Variants in KAT2A observed in about 807,000 individuals in gnomAD.
KAT2A encodes the protein histone acetyltransferase KAT2A.
Under a neutral mutation model 95.2 loss-of-function variants are expected in KAT2A, and 42 were observed. The ratio of observed to expected loss-of-function variants is 0.44; its 90% CI spans 0.34 to 0.57. KAT2A has a LOEUF of 0.57. Ranked by LOEUF, KAT2A falls within the 20% of genes least tolerant of loss-of-function variation. The pLI is 0.01. For synonymous variants in KAT2A, 449 were observed against 448.2 expected (o/e 1.00, Z -0.02); for missense variants, 784 against 1,126.3 (o/e 0.70, Z 4.35).
In KAT2A at chr17:42,114,340, G is replaced by A. The variant is rs782552779; in HGVS notation, c.2171+18C>T. 1.8e-5 allele frequency: 29 copies of A among 1,613,618 alleles called. 1 individual carries two copies. Among genetic ancestry groups the A allele is most frequent in the Middle Eastern group, 1.6e-4 (1 of 6,082 alleles). On this transcript the variant is annotated intron_variant, in intron 15 of 17. Coordinates refer to ENST00000225916, the MANE Select transcript of KAT2A (RefSeq NM_021078.3). This position sits in a 1 kb window ranked among gnomAD's most constrained non-coding sequence, Gnocchi z 6.0. ...AGTCCCTCTGCCCCACCCCCAACCC[G>A]GCTCCTTTGACACTCACCCCTTCTC... is the stretch of plus-strand genomic sequence containing the variant.
chr17:42,118,481 G>A (rs1341270433), intron 6 of KAT2A, 78 bp from the exon 7 acceptor site: 1 of 1,005,544 alleles, frequency 9.9e-7, no homozygotes, highest in Non-Finnish European at 1.6e-6. Context: ...GGGACTGGAG[G>A]CTGGTCAGAG....
chr17:42,121,163 G>A lies in KAT2A; in HGVS notation c.142C>T (p.Pro48Ser), dbSNP rs1555667294. The change falls in exon 1 of 18, where the codon CCT becomes TCT. Residue 48 changes from proline to serine, a missense_variant. By Grantham distance (74) the Pro-to-Ser change is moderately conservative. This residue lies in a region of KAT2A where 142 missense variants were observed against 123.2 expected (regional missense o/e 1.15). Transcript: ENST00000225916. The stretch of plus-strand genomic sequence containing the variant: ...CCGGCTGGGGCTGCAGCTGGGGCAG[G>A]GGCTGGTGCCGGGGTGGGAGTCGGA... The part of the protein sequence containing the change: ...PIPTPTPAPA[P>S]APAAAPAGST... The A allele has an allele frequency of 1.4e-6, 2 of 1,442,494 alleles. No individual in the cohort carries two copies. Among genetic ancestry groups the A allele is most frequent in the Non-Finnish European group, 1.8e-6 (2 of 1,087,502 alleles). 89.4% of individuals were successfully genotyped at this position (1,442,494 alleles called of 1,614,324 possible). A position where few individuals can be genotyped will look rare whatever the true frequency, so the allele number is the denominator to read the frequency against.
chr17:42,119,456 G>C lies in KAT2A; in HGVS notation c.882-20C>G. ...AGCCATCTGGAGTAGGGGGTCGAGG[G>C]GGAGACAGGTGAGGGCGGAAACCAC... On this transcript the variant is annotated intron_variant, in intron 5 of 17. Transcript: ENST00000225916. The surrounding 1 kb of genome is among the most constrained non-coding windows in gnomAD (Gnocchi z 5.3). 4 of 1,598,640 alleles carry C rather than the reference G, an allele frequency of 2.5e-6. No homozygotes were observed. The highest frequency in any genetic ancestry group is 3.4e-6 in the Non-Finnish European group (4 of 1,169,264).
rs1555666824 is a variant in KAT2A at position 42,119,450 on chromosome 17, T to C, written c.882-14A>G. The C allele has an allele frequency of 6.3e-7, 1 of 1,599,100 alleles. No individual in the cohort carries two copies. Among genetic ancestry groups the C allele is most frequent in the Admixed American group, 1.7e-5 (1 of 59,018 alleles). ...TAACAGAGCCATCTGGAGTAGGGGG[T>C]CGAGGGGGAGACAGGTGAGGGCGGA... On this transcript the variant is annotated splice_polypyrimidine_tract_variant and intron_variant, in intron 5 of 17. Coordinates refer to ENST00000225916, the MANE Select transcript of KAT2A (RefSeq NM_021078.3). The surrounding 1 kb of genome is among the most constrained non-coding windows in gnomAD (Gnocchi z 5.3).
chr17:42,121,276 G>C lies in KAT2A; in HGVS notation c.29C>G (p.Pro10Arg). The change falls in exon 1 of 18, where the codon CCG (proline) becomes CGG (arginine). Residue 10 changes from proline (P) to arginine (R), a missense_variant. Physicochemically the swap from Pro to Arg is moderately radical, Grantham distance 103. Around this residue, in one of 6 missense-constraint regions of KAT2A, gnomAD observed 142 missense variants for 123.2 expected, o/e 1.15. Coordinates refer to ENST00000225916, the MANE Select transcript of KAT2A (RefSeq NM_021078.3). ...GGGCCGGGGCTGCGCAGCCGGGGCC[G>C]GGGTCGGGGCCTGGGAAGGTTCCGC... MAEPSQAPT[P>R]APAAQPRPLQ... The C allele has an allele frequency of 7.3e-7, 1 of 1,374,606 alleles. No homozygotes were observed. The highest frequency in any genetic ancestry group is 9.3e-7 in the Non-Finnish European group (1 of 1,069,676). 85.2% of individuals were successfully genotyped at this position (1,374,606 alleles called of 1,614,324 possible).
At chr17:42,116,734 T>TA (rs1186791873) in intron 11 of KAT2A, among the ~76,000 whole-genome samples, 1 of 151,984 alleles carries the variant, frequency 6.6e-6, no homozygotes, top group Non-Finnish European at 1.5e-5. Flanking sequence ...AAAAAATAAA[T>TA]AAAAAATAAA....
At chr17:42,120,676 C>T in intron 2 of KAT2A, 30 bp downstream of exon 2, 1 of 1,613,514 alleles carries the variant, frequency 6.2e-7, no homozygotes, top group Non-Finnish European at 8.5e-7. Context: ...CAGCACCTGC[C>T]CCCAGCTCCA....
intron 2 of KAT2A, among the ~76,000 whole-genome samples, 168 bp from the exon 3 acceptor site, chr17:42,120,538 G>A (rs1379422415): frequency 6.6e-6 from 1 of 152,126 alleles, no homozygotes; most frequent in African/African-American, 2.4e-5. Flanking sequence ...GGCCTGTTCT[G>A]GGCTGAGAGA....
At chr17:42,113,972 G>A in intron 17 of KAT2A, 28 bp downstream of exon 17, 1 of 1,498,062 alleles carries the variant, frequency 6.7e-7, no homozygotes, top group South Asian at 1.3e-5. Flanking sequence ...AGAAGAGGAG[G>A]GAAGGGGATG....
At chr17:42,116,986 C>T in intron 11 of KAT2A, 49 bp downstream of exon 11, 1 of 1,608,236 alleles carries the variant, frequency 6.2e-7, no homozygotes, top group Non-Finnish European at 8.5e-7. Context: ...CTGGCCCAAA[C>T]TCAGGAGTGG....
Position 42,121,142 on chromosome 17 carries a change from C to G in KAT2A, c.163G>C (p.Ala55Pro). Residue 55 changes from alanine (A) to proline (P), a missense_variant, in exon 1 of 18, where the codon GCC becomes CCC. Physicochemically the swap from Ala to Pro is conservative, Grantham distance 27 (BLOSUM62 -1). Around this residue, in one of 6 missense-constraint regions of KAT2A, gnomAD observed 142 missense variants for 123.2 expected, o/e 1.15. Transcript: ENST00000225916. Reference sequence around the variant, plus strand: ...GGCCCCCCAGTCCCTGTGCTGCCGGCTGGGGCTGCAGCTGGGGCAGGGGCT... The same window carrying G: ...GGCCCCCCAGTCCCTGTGCTGCCGGGTGGGGCTGCAGCTGGGGCAGGGGCT... ...APAPAPAAAP[A>P]GSTGTGGPGV... 2 of 1,486,434 alleles carry G rather than the reference C, an allele frequency of 1.3e-6. No individual in the cohort carries two copies. Among genetic ancestry groups the G allele is most frequent in the Non-Finnish European group, 1.8e-6 (2 of 1,115,522 alleles). 92.1% of individuals were successfully genotyped at this position (1,486,434 alleles called of 1,614,324 possible). A position where few individuals can be genotyped will look rare whatever the true frequency, so the allele number is the denominator to read the frequency against.
At chr17:42,115,871 G>T in intron 11 of KAT2A, 38 bp from the exon 12 acceptor site, 1 of 1,179,536 alleles carries the variant, frequency 8.5e-7, no homozygotes, top group Non-Finnish European at 1.3e-6. Context: ...AGGAGCTGAG[G>T]ATGGGCCTGG....
chr17:42,119,449 G>A lies in KAT2A; in HGVS notation c.882-13C>T, dbSNP rs782013759. 1.2e-6 allele frequency: 2 copies of A among 1,601,362 alleles called. No homozygotes were observed. Among genetic ancestry groups the A allele is most frequent in the Non-Finnish European group, 1.7e-6 (2 of 1,170,892 alleles). ...GTAACAGAGCCATCTGGAGTAGGGG[G>A]TCGAGGGGGAGACAGGTGAGGGCGG... On this transcript the variant is annotated splice_polypyrimidine_tract_variant and intron_variant, in intron 5 of 17. Coordinates refer to ENST00000225916, the MANE Select transcript of KAT2A (RefSeq NM_021078.3). The surrounding 1 kb of genome is among the most constrained non-coding windows in gnomAD (Gnocchi z 5.3).
At chr17:42,116,940 C>G in intron 11 of KAT2A, 95 bp downstream of exon 11, 1 of 1,455,800 alleles carries the variant, frequency 6.9e-7, no homozygotes, top group Non-Finnish European at 9.4e-7. Flanking sequence ...AGAAGAGCAA[C>G]GGGCTGCTGC....
rs1342186334 is a variant in KAT2A at position 42,121,174 on chromosome 17, G to A, written c.131C>T (p.Pro44Leu). 5 of 1,403,206 alleles carry A rather than the reference G, an allele frequency of 3.6e-6. No homozygotes were observed. The highest frequency in any genetic ancestry group is 1.5e-5 in the African/African-American group (1 of 68,924). 86.9% of individuals were successfully genotyped at this position (1,403,206 alleles called of 1,614,324 possible). ...TGCAGCTGGGGCAGGGGCTGGTGCC[G>A]GGGTGGGAGTCGGAATCGGGGCTGA... ...PASAPIPTPT[P>L]APAPAPAAAP... is the part of the protein sequence containing the mutation. The change falls in exon 1 of 18, where the codon CCG (proline) becomes CTG (leucine). Residue 44 changes from proline (P) to leucine (L), a missense_variant. Coordinates refer to ENST00000225916, the MANE Select transcript of KAT2A (RefSeq NM_021078.3).
rs962332642 is a variant in KAT2A, at chr17:42,117,921, G to A, written c.1277C>T (p.Ala426Val). 3.6e-5 allele frequency: 58 copies of A among 1,604,800 alleles called. No homozygotes were observed. Among genetic ancestry groups the A allele is most frequent in the Non-Finnish European group, 4.9e-5 (57 of 1,174,164 alleles). Residue 426 changes from alanine to valine, a missense_variant, in exon 8 of 18, where the codon GCC (alanine) becomes GTC (valine). Transcript: ENST00000225916. This position sits in a 1 kb window ranked among gnomAD's most constrained non-coding sequence, Gnocchi z 8.9. Reference sequence around the variant, plus strand: ...CAAGTATCCACCTGGCATAGGCTCGGCCCCTGCAGAATCCAGACTCAGGGA... The same window carrying A: ...CAAGTATCCACCTGGCATAGGCTCGACCCCTGCAGAATCCAGACTCAGGGA... ...NSSLSLDSAG[A>V]EPMPGEKRTL...
Position 42,120,702 on chromosome 17 carries a change from T to G in KAT2A, c.463+4A>C. 1.2e-6 allele frequency: 2 copies of G among 1,613,978 alleles called. No homozygotes were observed. The highest frequency in any genetic ancestry group is 1.6e-4 in the Middle Eastern group (1 of 6,062). On this transcript the variant is annotated splice_donor_region_variant and intron_variant, in intron 2 of 17. Coordinates refer to ENST00000225916, the MANE Select transcript of KAT2A (RefSeq NM_021078.3). The stretch of plus-strand genomic sequence containing the variant: ...CCCAGCTCCAAGGGCGCTGCCTGCC[T>G]TACCCAAGGGGTGCTCACAACTGCG...
rs112464838 is a variant in KAT2A at position 42,120,097 on chromosome 17, T to A, written c.632A>T (p.Gln211Leu). The change falls in exon 4 of 18, where the codon CAG (glutamine) becomes CTG (leucine). Residue 211 changes from glutamine to leucine, a missense_variant. Gln to Leu is a moderately radical substitution (Grantham distance 113, BLOSUM62 -2). Transcript: ENST00000225916. ...CCCCTCCACCACAGGCCGGGTCATC[T>A]GCAGGATGCATTTCCGCAGTAGCTA... ...LFKLLRKCILQMTRPVVEGSL... is the reference protein window; with the variant it reads ...LFKLLRKCILLMTRPVVEGSL... 6.2e-7 allele frequency: 1 copy of A among 1,614,202 alleles called. No individual in the cohort carries two copies. The highest frequency in any genetic ancestry group is 1.1e-5 in the South Asian group (1 of 91,074).
Position 42,114,986 on chromosome 17 carries a change from A to G in KAT2A, c.1925T>C (p.Ile642Thr). The G allele has an allele frequency of 6.2e-7, 1 of 1,614,020 alleles. No homozygotes were observed. The highest frequency in any genetic ancestry group is 8.5e-7 in the Non-Finnish European group (1 of 1,179,976). Residue 642 changes from isoleucine (I) to threonine (T), a missense_variant, in exon 13 of 18, where the codon ATC becomes ACC. Transcript: ENST00000225916. This position sits in a 1 kb window ranked among gnomAD's most constrained non-coding sequence, Gnocchi z 6.0. The stretch of plus-strand genomic sequence containing the variant: ...CAGCGTCGCTCCCTCGTAGTCCTTG[A>G]TGTAGCCCAGGTAGCGGCTCTTGGG... Reference protein sequence around the residue: ...KVPKSRYLGYIKDYEGATLME... With the variant: ...KVPKSRYLGYTKDYEGATLME...
Sources: allele counts gnomAD v4.1 joint callset (sites outside exome capture counted in the v4.1 genomes callset), GRCh38; gene constraint gnomAD v4.1.1; regional missense constraint gnomAD v4.1.1; non-coding constraint Gnocchi (gnomAD v3.1); transcripts MANE v1.5; gene names NCBI Gene and HGNC (gene_info 2026-07-23, HGNC 2026-07-21).